Variants in PIGA observed in about 807,000 individuals in gnomAD.
The protein encoded by PIGA is phosphatidylinositol N-acetylglucosaminyltransferase subunit A.
A neutral mutation model predicts 17.1 loss-of-function variants in PIGA; 3 were observed. The observed-to-expected ratio is 0.18, with a 90% CI of 0.08 to 0.45. PIGA has a LOEUF of 0.45. PIGA is among the 20% of genes least tolerant of loss of function. The probability of loss-of-function intolerance (pLI) is 0.99; values close to 1 mark genes in which losing one functional copy is unlikely to be tolerated. For synonymous variants in PIGA, 126 were observed against 135.1 expected (o/e 0.93, Z 0.47); for missense variants, 231 against 374.1 (o/e 0.62, Z 3.16).
rs1474252014 is a variant in PIGA at position 15,321,281 on chromosome X, C to T, written c.*225G>A. The stretch of plus-strand genomic sequence containing the variant: ...TCTGAAAAATTGCATACCTGAGTGG[C>T]TTAAATGTTCTCTCCTAAATTTTAA... On this transcript the variant is annotated 3_prime_UTR_variant, in exon 6 of 6. Coordinates refer to ENST00000333590, the MANE Select transcript of PIGA (RefSeq NM_002641.4). The T allele has an allele frequency of 6.0e-6, 2 of 334,789 alleles. No individual in the cohort carries two copies. Among genetic ancestry groups the T allele is most frequent in the African/African-American group, 5.2e-5 (2 of 38,306 alleles). 27.6% of individuals were successfully genotyped at this position (334,789 alleles called of 1,213,427 possible).
At chrX:15,334,112 G>A (rs1006092309) in intron 1 of PIGA, among the ~76,000 whole-genome samples, 2 of 109,343 alleles carry the variant, frequency 1.8e-5, no homozygotes, top group African/African-American at 6.7e-5. Flanking sequence ...GGTTTCACCT[G>A]CAAACTCAGA....
Position 15,324,506 on chromosome X carries a change from G to A in PIGA, c.1188+159C>T, listed in dbSNP as rs7049772. 0.02 allele frequency among the ~76,000 whole-genome samples: 2,201 copies of A among 112,068 alleles called. 51 individuals are homozygous for A. The highest frequency in any genetic ancestry group is 0.062 in the African/African-American group (1,922 of 30,812). ...AATAATTTGACCAGACACTTAGCCC[G>A]GTGTGTGTACCAAAATCTGTTTCTT... On this transcript the variant is annotated intron_variant, in intron 5 of 5. Transcript: ENST00000333590.
At chrX:15,332,834 G>A (rs761710196) in intron 1 of PIGA, among the ~76,000 whole-genome samples, 1 of 111,882 alleles carries the variant, frequency 8.9e-6, no homozygotes, top group African/African-American at 3.3e-5. Flanking sequence ...AGACTACATG[G>A]AAAGAGCCAG....
intron 5 of PIGA, 95 bp downstream of exon 5, chrX:15,324,570 C>T: frequency 3.1e-6 from 2 of 654,402 alleles, no homozygotes; most frequent in Admixed American, 2.9e-5. Flanking sequence ...AGCAATAGAA[C>T]AAAAATGGTA....
chrX:15,320,389 C>T lies in PIGA; in HGVS notation c.*1117G>A, dbSNP rs1403350523. ...AACAACAATGACAGTTAATAACATC[C>T]ACCCACAAAGACTGTTTCTAAAATT... On this transcript the variant is annotated 3_prime_UTR_variant, in exon 6 of 6. Transcript: ENST00000333590. 1 of 112,242 alleles carries T rather than the reference C, an allele frequency of 8.9e-6. No individual in the cohort carries two copies. The highest frequency in any genetic ancestry group is 1.9e-5 in the Non-Finnish European group (1 of 53,240). 9.3% of individuals were successfully genotyped at this position (112,242 alleles called of 1,213,427 possible). A position where few individuals can be genotyped will look rare whatever the true frequency, so the allele number is the denominator to read the frequency against.
chrX:15,331,198 T>C lies in PIGA; in HGVS notation c.715+18A>G, dbSNP rs931041061. 1 of 1,119,397 alleles carries C rather than the reference T, an allele frequency of 8.9e-7. No homozygotes were observed. Among genetic ancestry groups the C allele is most frequent in the Non-Finnish European group, 1.2e-6 (1 of 824,010 alleles). The allele number at this position is 1,119,397 out of a possible 1,213,427, so 92.3% of individuals were successfully genotyped here. A position where few individuals can be genotyped will look rare whatever the true frequency, so the allele number is the denominator to read the frequency against. ...GGGAAAAAAGTCTACAATGCAATTA[T>C]AGCTATCATTTCATTACCTTTTCTG... On this transcript the variant is annotated intron_variant, in intron 2 of 5. Transcript: ENST00000333590.
chrX:15,331,131 G>T, intron 2 of PIGA, 85 bp downstream of exon 2: 2 of 620,053 alleles, frequency 3.2e-6, no homozygotes, highest in Non-Finnish European at 4.9e-6. Flanking sequence ...AAAATGAAAA[G>T]CCAAACAATC....
At chrX:15,325,584 G>C (rs1343206113) in intron 3 of PIGA, 1 of 158,814 alleles carries the variant, frequency 6.3e-6, no homozygotes, top group Non-Finnish European at 1.2e-5. Context: ...TACATGATTT[G>C]AGCCCTATTA....
At chrX:15,333,145 A>C (rs942477236) in intron 1 of PIGA, among the ~76,000 whole-genome samples, 1 of 111,901 alleles carries the variant, frequency 8.9e-6, no homozygotes, top group Non-Finnish European at 1.9e-5. Context: ...CAGAGTAGCT[A>C]CAACAGAGAC....
intron 2 of PIGA, among the ~76,000 whole-genome samples, chrX:15,326,771 A>C (rs1461733623): frequency 8.9e-6 from 1 of 112,083 alleles, no homozygotes; most frequent in Admixed American, 9.5e-5. Context: ...AAAAGGATGC[A>C]TCTTGGCTCC....
Position 15,324,791 on chromosome X carries a change from A to G in PIGA, c.1062T>C (p.Ser354=), listed in dbSNP as rs936767413. The G allele has an allele frequency of 2.5e-5, 30 of 1,207,628 alleles. No individual in the cohort carries two copies. In the Admixed American group the frequency reaches 6.1e-4, roughly 25 times the overall value. ...LIILCEPSVK[S]LCEGLEKAIF... is the part of the protein sequence containing the mutation. Reference sequence around the variant, plus strand: ...TAGCCTTTTCCAATCCTTCACACAAAGATTTTACTGAAGGCTCACATAAAA... The same window carrying G: ...TAGCCTTTTCCAATCCTTCACACAAGGATTTTACTGAAGGCTCACATAAAA... Residue 354 remains serine, a synonymous_variant, in exon 5 of 6, where the codon TCT becomes TCC. Transcript: ENST00000333590.
At chrX:15,324,951 T>G in intron 4 of PIGA, 69 bp downstream of exon 4, 1 of 1,151,121 alleles carries the variant, frequency 8.7e-7, no homozygotes, top group Non-Finnish European at 1.2e-6. Flanking sequence ...AACATTATTA[T>G]GGAATGTGTC....
Position 15,330,899 on chromosome X carries a change from G to A in PIGA, c.715+317C>T, listed in dbSNP as rs747022578. On this transcript the variant is annotated intron_variant, in intron 2 of 5. Coordinates refer to ENST00000333590, the MANE Select transcript of PIGA (RefSeq NM_002641.4). ...TTACAGGTGTGAGCCACCGTACACG[G>A]CCTGCCCTCTACTTCTTTACCACAT... is the stretch of plus-strand genomic sequence containing the variant. 9 of 174,069 alleles carry A rather than the reference G, an allele frequency of 5.2e-5. No individual in the cohort carries two copies. In the South Asian group the frequency reaches 1.1e-3, roughly 22 times the overall value. The allele number at this position is 174,069 out of a possible 1,213,427, so 14.3% of individuals were successfully genotyped here.
chrX:15,330,672 T>G (rs1021615013), intron 2 of PIGA, among the ~76,000 whole-genome samples: 2 of 111,656 alleles, frequency 1.8e-5, no homozygotes, highest in Non-Finnish European at 3.8e-5. Context: ...GCACGATCTC[T>G]GCTCACTGCA....
intron 5 of PIGA, among the ~76,000 whole-genome samples, chrX:15,323,320 G>A (rs1281984045): frequency 6.3e-5 from 7 of 111,455 alleles, no homozygotes; most frequent in Non-Finnish European, 1.1e-4. Context: ...GATCAGGATG[G>A]TATCATCAAA....
rs1277668965 is a variant in PIGA at position 15,321,223 on chromosome X, G to A, written c.*283C>T. On this transcript the variant is annotated 3_prime_UTR_variant, in exon 6 of 6. Coordinates refer to ENST00000333590, the MANE Select transcript of PIGA (RefSeq NM_002641.4). ...GCACCCAAAGCTCTCAAAATATAAT[G>A]TTAAAACATCTCTGCTACAGGGATT... 1 of 215,741 alleles carries A rather than the reference G, an allele frequency of 4.6e-6. No individual in the cohort carries two copies. The highest frequency in any genetic ancestry group is 6.6e-5 in the Admixed American group (1 of 15,233). 17.8% of individuals were successfully genotyped at this position (215,741 alleles called of 1,213,427 possible).
At chrX:15,327,238 G>C (rs1408175551) in intron 2 of PIGA, 2 of 101,863 alleles carry the variant, frequency 2.0e-5, no homozygotes, top group Non-Finnish European at 3.9e-5. Flanking sequence ...CAGCCTGGGA[G>C]ACAGAGCGAG....
At chrX:15,334,184 ACTTTT>A (rs1263135720) in intron 1 of PIGA, among the ~76,000 whole-genome samples, 3 of 70,433 alleles carry the variant, frequency 4.3e-5, no homozygotes, top group Non-Finnish European at 7.9e-5. Context: ...AAATTCATCT[ACTTTT>A]TTTTTTTTTT....
intron 2 of PIGA, among the ~76,000 whole-genome samples, chrX:15,327,481 T>C (rs1922020425): frequency 9.0e-6 from 1 of 111,562 alleles, no homozygotes; most frequent in African/African-American, 3.3e-5. Context: ...TAATACAAAG[T>C]AGAATTCATT....
Sources: allele counts gnomAD v4.1 joint callset (sites outside exome capture counted in the v4.1 genomes callset), GRCh38; gene constraint gnomAD v4.1.1; transcripts MANE v1.5; gene names NCBI Gene and HGNC (gene_info 2026-07-23, HGNC 2026-07-21).